The following COL18A1 variants were observed in gnomAD, a reference collection of about 807,000 sequenced individuals.
The protein encoded by COL18A1 is collagen type XVIII alpha 1 chain, also known as collagen alpha-1(XVIII) chain.
COL18A1 carries 133 observed loss-of-function variants against 168.0 expected under a neutral mutation model. The observed-to-expected ratio is 0.79, with a 90% CI of 0.69 to 0.91. COL18A1 has a LOEUF of 0.91. Among genes scored for constraint, COL18A1 ranks in the 40% least tolerant of loss-of-function variants. COL18A1 has a pLI of 0.00. For missense variants in COL18A1, 2,126 were observed against 1,925.4 expected (o/e 1.10, Z -1.95); for synonymous variants, 949 against 809.0 (o/e 1.17, Z -2.94).
chr21:45,506,176 A>G, intron 37 of COL18A1: 3 of 674,872 alleles, frequency 4.4e-6, no homozygotes, highest in East Asian at 2.9e-5. Context: ...AGCTTCTGAA[A>G]GTGGATGAAC....
chr21:45,448,003 C>T (rs943474160), intron 2 of COL18A1, among the ~76,000 whole-genome samples: 14 of 152,200 alleles, frequency 9.2e-5, no homozygotes, highest in African/African-American at 3.4e-4. Flanking sequence ...ATAACACCCA[C>T]ACAGAGCCCC....
intron 2 of COL18A1, among the ~76,000 whole-genome samples, chr21:45,448,306 A>ACG (rs1569294364): frequency 6.6e-6 from 1 of 152,166 alleles, no homozygotes; most frequent in Non-Finnish European, 1.5e-5. Context: ...ACGCATATCC[A>ACG]CATGCACAGG....
intron 29 of COL18A1, chr21:45,495,683 T>C: frequency 2.0e-6 from 1 of 491,912 alleles, no homozygotes; most frequent in Non-Finnish European, 3.8e-6. Flanking sequence ...CATGCATCTA[T>C]GCACATACAT....
chr21:45,500,134 T>G (rs1022637370), intron 32 of COL18A1, among the ~76,000 whole-genome samples: 2 of 93,020 alleles, frequency 2.2e-5, no homozygotes, highest in African/African-American at 4.6e-5. Context: ...GGGGTGTGGG[T>G]GGAGTGTGGA....
intron 3 of COL18A1, among the ~76,000 whole-genome samples, chr21:45,472,629 G>T (rs1189119028): frequency 6.6e-6 from 1 of 152,088 alleles, no homozygotes; most frequent in East Asian, 1.9e-4. Context: ...GGTCCTGGTG[G>T]ACAGTGGACC....
intron 2 of COL18A1, among the ~76,000 whole-genome samples, chr21:45,436,098 C>G (rs1173026660): frequency 2.0e-5 from 3 of 152,222 alleles, no homozygotes; most frequent in Non-Finnish European, 4.4e-5. Context: ...CGTTTGCAGA[C>G]AGTATCCTCT....
chr21:45,482,935 G>A, intron 15 of COL18A1, 114 bp downstream of exon 15: 1 of 1,492,138 alleles, frequency 6.7e-7, no homozygotes, highest in Non-Finnish European at 9.3e-7. Flanking sequence ...TCTTGGGGCT[G>A]GCCTTGACCC....
chr21:45,505,677 G>C (rs2037157546), intron 36 of COL18A1, among the ~76,000 whole-genome samples, 161 bp from the exon 37 acceptor site: 1 of 152,144 alleles, frequency 6.6e-6, no homozygotes, highest in Non-Finnish European at 1.5e-5. Flanking sequence ...CTGGCGGCAG[G>C]CAGGGGTCCC....
intron 2 of COL18A1, among the ~76,000 whole-genome samples, chr21:45,452,727 C>A (rs999710425): frequency 6.7e-6 from 1 of 148,608 alleles, no homozygotes; most frequent in Admixed American, 6.7e-5. Flanking sequence ...TCACATGTGA[C>A]GTGTGAGCAT....
At chr21:45,434,831 C>G (rs548041399) in intron 2 of COL18A1, among the ~76,000 whole-genome samples, 17 of 152,314 alleles carry the variant, frequency 1.1e-4, no homozygotes, top group Non-Finnish European at 2.5e-4. Flanking sequence ...CATCGCTTCT[C>G]TCTTTTGGGC....
At chr21:45,458,878 C>T (rs7275553) in intron 2 of COL18A1, among the ~76,000 whole-genome samples, 1,666 of 152,306 alleles carry the variant, frequency 0.011, 28 homozygotes, top group African/African-American at 0.038. Flanking sequence ...GGGAAGGTGC[C>T]GGTCTCCTGG....
intron 2 of COL18A1, among the ~76,000 whole-genome samples, chr21:45,442,985 C>T (rs1205164711): frequency 7.6e-5 from 9 of 118,616 alleles, no homozygotes; most frequent in African/African-American, 1.1e-4. Flanking sequence ...GTGTGGGTGG[C>T]GGTGCTGGTG....
chr21:45,437,139 C>CT (rs71185151), intron 2 of COL18A1, among the ~76,000 whole-genome samples: 411 of 38,514 alleles, frequency 0.011, 15 homozygotes, highest in African/African-American at 0.078. Flanking sequence ...AGGCACTCTC[C>CT]ACACACACTC....
chr21:45,417,479 A>G (rs554036600), intron 2 of COL18A1, among the ~76,000 whole-genome samples: 1 of 152,094 alleles, frequency 6.6e-6, no homozygotes, highest in East Asian at 1.9e-4. Context: ...TGGCTTGCTC[A>G]GTGTCCTCAG....
rs947173800 is a variant in COL18A1 at position 45,512,742 on chromosome 21, T to TG, written c.*345dup. On this transcript the variant is annotated 3_prime_UTR_variant, in exon 42 of 42. Transcript: ENST00000651438. Reference sequence around the variant, plus strand: ...CAGGATTTCCTGCTTTGGGAAGCCGTGCTCGCCCCAGCAGGTGCTGACTTC... The same window carrying TG: ...CAGGATTTCCTGCTTTGGGAAGCCGTGGCTCGCCCCAGCAGGTGCTGACTTC... 2.3e-5 allele frequency: 9 copies of TG among 388,066 alleles called. No individual in the cohort carries two copies. Among genetic ancestry groups the TG allele is most frequent in the Non-Finnish European group, 3.9e-5 (8 of 205,498 alleles). 24.0% of individuals were successfully genotyped at this position (388,066 alleles called of 1,614,324 possible).
Position 45,512,698 on chromosome 21 carries a change from G to C in COL18A1, c.*300G>C. On this transcript the variant is annotated 3_prime_UTR_variant, in exon 42 of 42. Transcript: ENST00000651438. ...CCTGTGCAACCTCTTGGCCTGATCAGACCACGGCTCGATTTCTCCAGGATT... is the reference window on the plus strand; with the variant it reads ...CCTGTGCAACCTCTTGGCCTGATCACACCACGGCTCGATTTCTCCAGGATT... 1 of 475,788 alleles carries C rather than the reference G, an allele frequency of 2.1e-6. No individual in the cohort carries two copies. The highest frequency in any genetic ancestry group is 2.2e-5 in the South Asian group (1 of 45,518). The allele number at this position is 475,788 out of a possible 1,614,324, so 29.5% of individuals were successfully genotyped here. A position where few individuals can be genotyped will look rare whatever the true frequency, so the allele number is the denominator to read the frequency against.
chr21:45,474,067 C>A, intron 4 of COL18A1, 86 bp downstream of exon 4: 1 of 1,069,960 alleles, frequency 9.3e-7, no homozygotes, highest in Non-Finnish European at 1.4e-6. Flanking sequence ...CAGGAAAAGT[C>A]CCAAAATATA....
chr21:45,509,086 G>T (rs528770026), intron 38 of COL18A1, among the ~76,000 whole-genome samples: 1 of 152,246 alleles, frequency 6.6e-6, no homozygotes, highest in African/African-American at 2.4e-5. Context: ...GCAGGTCAGG[G>T]CACGTGGTGA....
Position 45,506,308 on chromosome 21 carries a change from CAGG to C in COL18A1, c.3216+343_3216+345del, listed in dbSNP as rs1161742215. On this transcript the variant is annotated intron_variant, in intron 37 of 41. Coordinates refer to ENST00000651438, the MANE Select transcript of COL18A1 (RefSeq NM_001379500.1). ...GACGGGACGAGGCGGCAGGGGGGCT[CAGG>C]CCCTCCAGGGCCACGTGACGTCCAC... The C allele has an allele frequency of 1.1e-3, 426 of 370,874 alleles. 3 individuals carry two copies. The East Asian group carries it at 0.026, about 23-fold the overall frequency. The allele number at this position is 370,874 out of a possible 1,614,324, so 23.0% of individuals were successfully genotyped here. A position where few individuals can be genotyped will look rare whatever the true frequency, so the allele number is the denominator to read the frequency against.
Sources: allele counts gnomAD v4.1 joint callset (sites outside exome capture counted in the v4.1 genomes callset), GRCh38; gene constraint gnomAD v4.1.1; transcripts MANE v1.5; gene names NCBI Gene and HGNC (gene_info 2026-07-23, HGNC 2026-07-21).